Variants in RHOH observed in about 807,000 individuals in gnomAD.
RHOH encodes ras homolog family member H, also known as rho-related GTP-binding protein RhoH.
In RHOH, 6 loss-of-function variants were observed where a neutral mutation model predicts 13.8. That is an observed-to-expected ratio of 0.44 (90% confidence interval 0.24 to 0.86). The LOEUF (loss-of-function observed/expected upper bound fraction) is 0.86. Among genes scored for constraint, RHOH ranks in the 40% least tolerant of loss-of-function variants. RHOH has a pLI of 0.24. For missense variants in RHOH, 147 were observed against 244.5 expected (o/e 0.60, Z 2.66); for synonymous variants, 117 against 103.0 (o/e 1.14, Z -0.82).
At chr4:40,197,465 C>T (rs753281797) in intron 1 of RHOH, among the ~76,000 whole-genome samples, 165 bp downstream of exon 1, 1 of 152,108 alleles carries the variant, frequency 6.6e-6, no homozygotes, top group Non-Finnish European at 1.5e-5. Flanking sequence ...GTGAGTGTTG[C>T]TTTGATATTC....
chr4:40,195,894 A>T (rs1723085927), upstream of RHOH, among the ~76,000 whole-genome samples: 1 of 152,234 alleles, frequency 6.6e-6, no homozygotes, highest in African/African-American at 2.4e-5. Context: ...TTGGGTGTCT[A>T]TTGATAAGAA....
upstream of RHOH, among the ~76,000 whole-genome samples, chr4:40,192,423 T>G (rs917146135): frequency 2.0e-5 from 3 of 152,176 alleles, no homozygotes; most frequent in Admixed American, 2.0e-4. Context: ...GTTGAAATAA[T>G]TTAGTAGATG....
intron 1 of RHOH, among the ~76,000 whole-genome samples, chr4:40,199,057 G>T (rs1360557384): frequency 6.6e-6 from 1 of 151,994 alleles, no homozygotes; most frequent in Non-Finnish European, 1.5e-5. Flanking sequence ...TCATTTCTGG[G>T]CTGTGGGAAC....
chr4:40,234,078 A>G (rs1474187093), intron 1 of RHOH, among the ~76,000 whole-genome samples: 2 of 152,204 alleles, frequency 1.3e-5, no homozygotes, highest in Non-Finnish European at 2.9e-5. Flanking sequence ...GCATCGTGAC[A>G]TTATAGAATG....
chr4:40,242,892 G>A (rs569881605), intron 2 of RHOH, 58 bp downstream of exon 2: 3 of 156,976 alleles, frequency 1.9e-5, no homozygotes, highest in East Asian at 3.3e-4. Context: ...GTTTTTTAGT[G>A]CTTGAGTGAT....
chr4:40,202,104 C>G (rs991778895), intron 1 of RHOH, among the ~76,000 whole-genome samples: 1 of 151,832 alleles, frequency 6.6e-6, no homozygotes, highest in African/African-American at 2.4e-5. Flanking sequence ...GCGTGTGCCA[C>G]CACACTTGGC....
At chr4:40,215,826 A>T (rs1201768380) in intron 1 of RHOH, among the ~76,000 whole-genome samples, 20 of 152,186 alleles carry the variant, frequency 1.3e-4, no homozygotes, top group South Asian at 2.1e-4. Flanking sequence ...AGACTGAGGC[A>T]TGAGAATCGC....
intron 1 of RHOH, among the ~76,000 whole-genome samples, chr4:40,241,836 G>T (rs1729285824): frequency 6.6e-6 from 1 of 152,220 alleles, no homozygotes; most frequent in Non-Finnish European, 1.5e-5. Flanking sequence ...GCTGCAGTGA[G>T]CTGTGATGAC....
intron 1 of RHOH, among the ~76,000 whole-genome samples, chr4:40,224,411 G>A (rs1326664136): frequency 6.6e-6 from 1 of 152,216 alleles, no homozygotes; most frequent in East Asian, 1.9e-4. Flanking sequence ...CGTGTTGAAA[G>A]AATTGGAATT....
intron 1 of RHOH, among the ~76,000 whole-genome samples, chr4:40,226,301 C>T (rs564308395): frequency 2.0e-5 from 3 of 151,704 alleles, no homozygotes; most frequent in South Asian, 2.1e-4. Flanking sequence ...CTGAGGCGGG[C>T]GGATCACCTG....
chr4:40,242,135 C>T (rs1336588059), intron 1 of RHOH, among the ~76,000 whole-genome samples: 3 of 152,182 alleles, frequency 2.0e-5, no homozygotes, highest in Admixed American at 6.5e-5. Context: ...GATATTGTGC[C>T]ACAGCAGACA....
intron 1 of RHOH, among the ~76,000 whole-genome samples, chr4:40,208,472 T>C (rs1724896415): frequency 6.6e-6 from 1 of 152,222 alleles, no homozygotes; most frequent in South Asian, 2.1e-4. Context: ...TTTCTTTTCC[T>C]ACCAAATATT....
chr4:40,217,724 G>A (rs985553677), intron 1 of RHOH, among the ~76,000 whole-genome samples: 5 of 152,178 alleles, frequency 3.3e-5, no homozygotes, highest in Non-Finnish European at 7.3e-5. Context: ...TATTTTAGAA[G>A]TAGAGACAAA....
intron 1 of RHOH, among the ~76,000 whole-genome samples, chr4:40,208,323 T>C (rs1213789342): frequency 6.6e-6 from 1 of 152,218 alleles, no homozygotes; most frequent in Non-Finnish European, 1.5e-5. Context: ...TTTGCCAATT[T>C]TGGGAGTGCT....
At chr4:40,241,386 C>G (rs1026983058) in intron 1 of RHOH, among the ~76,000 whole-genome samples, 1 of 152,224 alleles carries the variant, frequency 6.6e-6, no homozygotes, top group Non-Finnish European at 1.5e-5. Flanking sequence ...TGAATCCTTA[C>G]AGTGATCACA....
intron 1 of RHOH, among the ~76,000 whole-genome samples, chr4:40,197,572 C>T (rs1723353133): frequency 6.6e-6 from 1 of 152,156 alleles, no homozygotes; most frequent in African/African-American, 2.4e-5. Context: ...AATGCATATG[C>T]TTGTGACTGT....
At chr4:40,236,907 T>C (rs1470224839) in intron 1 of RHOH, among the ~76,000 whole-genome samples, 1 of 151,920 alleles carries the variant, frequency 6.6e-6, no homozygotes, top group Non-Finnish European at 1.5e-5. Context: ...CCAAAGACAG[T>C]GAGGAATAGG....
chr4:40,197,624 G>T (rs1037527086), intron 1 of RHOH, among the ~76,000 whole-genome samples: 1 of 152,150 alleles, frequency 6.6e-6, no homozygotes, highest in Admixed American at 6.5e-5. Context: ...ACTACCCAAG[G>T]TTTGATGAAG....
At position 40,243,833 on chromosome 4, in the gene RHOH, G is replaced by C; in HGVS notation, c.447G>C (p.Leu149=). 1 of 1,614,182 alleles carries C rather than the reference G, an allele frequency of 6.2e-7. No homozygotes were observed. ...AGGATGTCAGAGCCAAGGGCTACCT[G>C]GAGTGCTCAGCCCTTAGCAATCGGG... ...LAQDVRAKGY[L]ECSALSNRGV... Residue 149 remains leucine (L), a synonymous_variant, in exon 3 of 3, where the codon CTG becomes CTC. Coordinates refer to ENST00000381799, the MANE Select transcript of RHOH (RefSeq NM_004310.5). The surrounding 1 kb of genome is among the most constrained non-coding windows in gnomAD (Gnocchi z 6.2).
Sources: allele counts gnomAD v4.1 joint callset (sites outside exome capture counted in the v4.1 genomes callset), GRCh38; gene constraint gnomAD v4.1.1; non-coding constraint Gnocchi (gnomAD v3.1); transcripts MANE v1.5; gene names NCBI Gene and HGNC (gene_info 2026-07-23, HGNC 2026-07-21).